CD109: variants seen among roughly 807,000 people sequenced by gnomAD.
CD109 encodes CD109 molecule, also known as CD109 antigen.
In CD109, 149 loss-of-function variants were observed where a neutral mutation model predicts 165.8. The ratio of observed to expected loss-of-function variants is 0.90; its 90% CI spans 0.79 to 1.03. The LOEUF (loss-of-function observed/expected upper bound fraction) is 1.03. CD109 is among the 50% of genes least tolerant of loss of function. The pLI, the probability that CD109 is intolerant of heterozygous loss-of-function variation, is 0.00. For synonymous variants in CD109, 585 were observed against 592.1 expected (o/e 0.99, Z 0.18); for missense variants, 1,712 against 1,677.8 (o/e 1.02, Z -0.36).
rs1218744121 is a variant in CD109 at position 73,810,155 on chromosome 6, G to A, written c.3527G>A (p.Gly1176Asp). Residue 1176 changes from glycine to aspartate, a missense_variant, in exon 27 of 33, where the codon GGT becomes GAT. Physicochemically the swap from Gly to Asp is moderately conservative, Grantham distance 94 (BLOSUM62 -1). Transcript: ENST00000287097. ...CTAAGCAGGCAAAGAAATAGCTTGG[G>A]TGGTTTTGCATCTACTCAGGTGAGA... ...RWLSRQRNSLGGFASTQDTTV... is the reference protein window; with the variant it reads ...RWLSRQRNSLDGFASTQDTTV... The A allele has an allele frequency of 4.4e-6, 7 of 1,598,906 alleles. No individual in the cohort carries two copies. Among genetic ancestry groups the A allele is most frequent in the Non-Finnish European group, 6.0e-6 (7 of 1,175,066 alleles).
At position 73,825,205 on chromosome 6, in the gene CD109, T is replaced by G. The variant is rs923525956; in HGVS notation, c.*1572T>G. The G allele has an allele frequency of 2.0e-5, 3 of 152,226 alleles. No homozygotes were observed. Among genetic ancestry groups the G allele is most frequent in the Non-Finnish European group, 2.9e-5 (2 of 68,034 alleles). 9.4% of individuals were successfully genotyped at this position (152,226 alleles called of 1,614,324 possible). On this transcript the variant is annotated 3_prime_UTR_variant, in exon 33 of 33. Coordinates refer to ENST00000287097, the MANE Select transcript of CD109 (RefSeq NM_133493.5). The stretch of plus-strand genomic sequence containing the variant: ...TTCAGTATTTTAAAGCTGGCAAACC[T>G]GTACATAGAAAATAGATCCCCAGAC...
intron 23 of CD109, among the ~76,000 whole-genome samples, chr6:73,801,971 A>C (rs1775372051): frequency 6.6e-6 from 1 of 152,184 alleles, no homozygotes; most frequent in South Asian, 2.1e-4. Flanking sequence ...TTGCTTTTTT[A>C]GTGATAAGTT....
In CD109 at chr6:73,803,291, G is replaced by A. The variant is rs762760887; in HGVS notation, c.2950G>A (p.Gly984Arg). 1.2e-6 allele frequency: 2 copies of A among 1,611,096 alleles called. No individual in the cohort carries two copies. The highest frequency in any genetic ancestry group is 2.2e-5 in the South Asian group (2 of 90,212). The change falls in exon 24 of 33, where the codon GGG becomes AGG. Residue 984 changes from glycine to arginine, a missense_variant. By Grantham distance (125) the Gly-to-Arg change is moderately radical (BLOSUM62 -2). Coordinates refer to ENST00000287097, the MANE Select transcript of CD109 (RefSeq NM_133493.5). ...FSAFGNYDPS[G>R]STWLSAFVLR... ...TGCTTTTGGGAATTATGACCCTTCT[G>A]GGAGCACTTGGTAAGTGTTTTTGCC...
intron 5 of CD109, among the ~76,000 whole-genome samples, chr6:73,755,556 T>A (rs1773358841): frequency 6.6e-6 from 1 of 152,210 alleles, no homozygotes; most frequent in Admixed American, 6.5e-5. Context: ...GTGTTTGATT[T>A]GATAAATTTG....
chr6:73,766,840 A>G lies in CD109; in HGVS notation c.1414A>G (p.Thr472Ala), dbSNP rs1773872286. 1 of 1,612,218 alleles carries G rather than the reference A, an allele frequency of 6.2e-7. No individual in the cohort carries two copies. The highest frequency in any genetic ancestry group is 8.5e-7 in the Non-Finnish European group (1 of 1,178,526). The change falls in exon 12 of 33, where the codon ACA becomes GCA. Residue 472 changes from threonine (T) to alanine (A), a missense_variant. Physicochemically the swap from Thr to Ala is moderately conservative, Grantham distance 58 (BLOSUM62 0). Transcript: ENST00000287097. ...TAGTAAGACATACATCCAACTAAAA[A>G]CAAGAGATGAAAATATAAAGGTAAT... ...SPSKTYIQLKTRDENIKVGSP... is the reference protein window; with the variant it reads ...SPSKTYIQLKARDENIKVGSP...
the CD109 span, among the ~76,000 whole-genome samples, chr6:73,685,561 A>T: frequency 2.0e-5 from 3 of 152,166 alleles, no homozygotes; most frequent in South Asian, 2.1e-4. Flanking sequence ...TTTTTAAAAA[A>T]TTTTATTTCA....
chr6:73,735,781 G>A (rs1772517656), intron 4 of CD109, among the ~76,000 whole-genome samples: 2 of 152,090 alleles, frequency 1.3e-5, no homozygotes, highest in Admixed American at 1.3e-4. Flanking sequence ...CCCTCTCCAG[G>A]CATCAGTTTT....
chr6:73,766,083 A>G lies in CD109; in HGVS notation c.1261A>G (p.Thr421Ala), dbSNP rs1439124220. Reference protein sequence around the residue: ...KMEAVQKINYTVPQSGTFKIE... With the variant: ...KMEAVQKINYAVPQSGTFKIE... ...GGAAGCTGTTCAGAAAATAAATTATACTGTCCCCCAAAGTGGAACTTTTAA... is the reference window on the plus strand; with the variant it reads ...GGAAGCTGTTCAGAAAATAAATTATGCTGTCCCCCAAAGTGGAACTTTTAA... The change falls in exon 11 of 33, where the codon ACT (threonine) becomes GCT (alanine). Residue 421 changes from threonine to alanine, a missense_variant. By Grantham distance (58) the Thr-to-Ala change is moderately conservative. Coordinates refer to ENST00000287097, the MANE Select transcript of CD109 (RefSeq NM_133493.5). 6.2e-7 allele frequency: 1 copy of G among 1,614,110 alleles called. No homozygotes were observed. The highest frequency in any genetic ancestry group is 1.7e-5 in the Admixed American group (1 of 60,018).
chr6:73,808,156 C>T lies in CD109; in HGVS notation c.3263C>T (p.Thr1088Ile), dbSNP rs777990808. ...EFSRGISDNYTLALITYALSS... is the reference protein window; with the variant it reads ...EFSRGISDNYILALITYALSS... ...AGTAGAGGAATTTCAGACAATTATA[C>T]TCTAGCCCTTATAACTTATGCATTG... Residue 1088 changes from threonine to isoleucine, a missense_variant, in exon 26 of 33, where the codon ACT (threonine) becomes ATT (isoleucine). By Grantham distance (89) the Thr-to-Ile change is moderately conservative. Transcript: ENST00000287097. 134 of 1,613,362 alleles carry T rather than the reference C, an allele frequency of 8.3e-5. No homozygotes were observed. Among genetic ancestry groups the T allele is most frequent in the Non-Finnish European group, 1.1e-4 (129 of 1,179,610 alleles).
At chr6:73,735,313 A>G (rs1046360400) in intron 4 of CD109, among the ~76,000 whole-genome samples, 2 of 152,248 alleles carry the variant, frequency 1.3e-5, no homozygotes, top group African/African-American at 4.8e-5. Flanking sequence ...TTTATATGCC[A>G]GGGACTGTGC....
At chr6:73,737,441 T>C (rs1257497262) in intron 5 of CD109, among the ~76,000 whole-genome samples, 1 of 144,180 alleles carries the variant, frequency 6.9e-6, no homozygotes, top group Non-Finnish European at 1.5e-5. Context: ...CCAATATTAT[T>C]CTTTTTAAGG....
rs144493916 is a variant in CD109 at position 73,816,321 on chromosome 6, C to G, written c.3911+1198C>G. On this transcript the variant is annotated intron_variant, in intron 30 of 32. Coordinates refer to ENST00000287097, the MANE Select transcript of CD109 (RefSeq NM_133493.5). ...GGTCTCTGTTATAGAATAACAACTT[C>G]AAGTTATTACTATTATTATAAACAA... is the stretch of plus-strand genomic sequence containing the variant. 1.4e-3 allele frequency among the ~76,000 whole-genome samples: 213 copies of G among 152,294 alleles called. 2 individuals are homozygous for G. The highest frequency in any genetic ancestry group is 4.9e-3 in the African/African-American group (203 of 41,562).
At chr6:73,710,239 C>G (rs1771472619) in intron 2 of CD109, among the ~76,000 whole-genome samples, 1 of 152,184 alleles carries the variant, frequency 6.6e-6, no homozygotes, top group African/African-American at 2.4e-5. Flanking sequence ...GCAACTTCAG[C>G]AAAGTCTCAG....
chr6:73,759,049 G>C (rs768396255), intron 7 of CD109, 21 bp downstream of exon 7: 1 of 1,433,928 alleles, frequency 7.0e-7, no homozygotes, highest in South Asian at 1.2e-5. Flanking sequence ...TTTTTCTTTT[G>C]ATATGACTCA....
intron 16 of CD109, 98 bp from the exon 17 acceptor site, chr6:73,781,161 A>G: frequency 1.1e-5 from 10 of 921,462 alleles, no homozygotes; most frequent in Non-Finnish European, 1.4e-5. Context: ...GCTCTCAAAA[A>G]TGAGCACAAG....
At chr6:73,708,350 T>A (rs1009520394) in intron 2 of CD109, among the ~76,000 whole-genome samples, 7 of 152,152 alleles carry the variant, frequency 4.6e-5, no homozygotes, top group African/African-American at 1.2e-4. Context: ...ATGGCTGCAT[T>A]GTATTCCATG....
chr6:73,812,039 T>TGGG (rs1775774178), intron 28 of CD109, among the ~76,000 whole-genome samples, 166 bp from the exon 29 acceptor site: 1 of 152,164 alleles, frequency 6.6e-6, no homozygotes, highest in Non-Finnish European at 1.5e-5. Context: ...TCACCTTGCT[T>TGGG]ACCTATTTGA....
the CD109 span, among the ~76,000 whole-genome samples, chr6:73,681,519 A>G: frequency 6.6e-6 from 1 of 152,124 alleles, no homozygotes; most frequent in Non-Finnish European, 1.5e-5. Flanking sequence ...AGGTCTCACA[A>G]TCACGGTGGA....
chr6:73,740,758 A>G (rs1772745863), intron 5 of CD109, among the ~76,000 whole-genome samples: 1 of 151,314 alleles, frequency 6.6e-6, no homozygotes, highest in Non-Finnish European at 1.5e-5. Flanking sequence ...ATGCCCAGCT[A>G]ATTTTTGTAT....
Sources: allele counts gnomAD v4.1 joint callset (sites outside exome capture counted in the v4.1 genomes callset), GRCh38; gene constraint gnomAD v4.1.1; transcripts MANE v1.5; gene names NCBI Gene and HGNC (gene_info 2026-07-23, HGNC 2026-07-21).